AUTS2: variants seen among roughly 807,000 people sequenced by gnomAD.
AUTS2 encodes autism susceptibility gene 2 protein.
In AUTS2, 17 loss-of-function variants were observed where a neutral mutation model predicts 112.4. The ratio of observed to expected loss-of-function variants is 0.15; its 90% confidence interval spans 0.10 to 0.23. AUTS2 has a LOEUF of 0.23. Among genes scored for constraint, AUTS2 ranks in the 10% least tolerant of loss-of-function variants. The probability of loss-of-function intolerance (pLI) is 1.00; values close to 1 mark genes in which losing one functional copy is unlikely to be tolerated. For synonymous variants in AUTS2, 751 were observed against 702.7 expected, an observed-to-expected ratio of 1.07 and a Z score of -1.09; for missense variants, 1,510 against 1,701.6, an observed-to-expected ratio of 0.89 and a Z score of 1.98.
At chr7:69,738,025 AT>A (rs534475180) in intron 1 of AUTS2, among the ~76,000 whole-genome samples, 26 of 147,022 alleles carry the variant, frequency 1.8e-4, no homozygotes, top group East Asian at 7.9e-4. Context: ...GCTAATTATT[AT>A]TTTTTTTTTT....
intron 5 of AUTS2, among the ~76,000 whole-genome samples, chr7:70,638,116 C>G (rs12534768): frequency 0.25 from 37,782 of 152,048 alleles, 5,603 homozygotes; most frequent in Middle Eastern, 0.33. Flanking sequence ...GGGAGAACTT[C>G]TAGAGAGCCA....
chr7:70,642,217 T>C (rs1417125370), intron 5 of AUTS2, among the ~76,000 whole-genome samples: 1 of 152,258 alleles, frequency 6.6e-6, no homozygotes, highest in African/African-American at 2.4e-5. Flanking sequence ...AATTTAACTA[T>C]GGGTCATTGG....
chr7:70,751,754 T>C (rs923408319), intron 6 of AUTS2, among the ~76,000 whole-genome samples: 1 of 152,170 alleles, frequency 6.6e-6, no homozygotes, highest in African/African-American at 2.4e-5. Flanking sequence ...AGAATCTCAC[T>C]CTGTTGCCAA....
chr7:70,272,281 A>T (rs1489316573), intron 4 of AUTS2, among the ~76,000 whole-genome samples: 2 of 152,100 alleles, frequency 1.3e-5, no homozygotes, highest in African/African-American at 4.8e-5. Context: ...AAATATACTG[A>T]CTGTAAACCA....
At chr7:70,314,323 TC>T (rs1789897089) in intron 4 of AUTS2, among the ~76,000 whole-genome samples, 1 of 152,226 alleles carries the variant, frequency 6.6e-6, no homozygotes, top group Admixed American at 6.5e-5. Flanking sequence ...TATAATCTCT[TC>T]TCTGGAGAGG....
intron 1 of AUTS2, among the ~76,000 whole-genome samples, chr7:69,882,002 T>G (rs1262922707): frequency 2.0e-5 from 3 of 151,036 alleles, no homozygotes; most frequent in African/African-American, 7.3e-5. Context: ...AATACAAAAT[T>G]AGCTGGGAGT....
In AUTS2 at chr7:69,598,673, TGGA is replaced by T. The variant is rs1200129134; in HGVS notation, c.-979_-977del. On this transcript the variant is annotated 5_prime_UTR_variant, in exon 1 of 19. Coordinates refer to ENST00000342771, the MANE Select transcript of AUTS2 (RefSeq NM_015570.4). ...GGCGGCACACCGGTGTCTCTCCCGC[TGGA>T]GATTTCTTTCTGCTTTCCTCATCGA... 1.3e-5 allele frequency: 2 copies of T among 159,478 alleles called. No individual in the cohort carries two copies. Among genetic ancestry groups the T allele is most frequent in the Non-Finnish European group, 2.7e-5 (2 of 73,290 alleles). The allele number at this position is 159,478 out of a possible 1,614,324, so 9.9% of individuals were successfully genotyped here. A position where few individuals can be genotyped will look rare whatever the true frequency, so the allele number is the denominator to read the frequency against.
intron 6 of AUTS2, among the ~76,000 whole-genome samples, chr7:70,710,357 A>G (rs1042568135): frequency 6.6e-6 from 1 of 152,306 alleles, no homozygotes; most frequent in East Asian, 1.9e-4. Context: ...TGAGGCTTGC[A>G]TGGGCCATTG....
At chr7:70,027,884 GTT>G (rs57936972) in intron 2 of AUTS2, among the ~76,000 whole-genome samples, 8 of 151,700 alleles carry the variant, frequency 5.3e-5, no homozygotes, top group Admixed American at 1.3e-4. Context: ...TGCTTTAAGT[GTT>G]TTTTTTTGTT....
chr7:69,851,027 G>C (rs1792457181), intron 1 of AUTS2, among the ~76,000 whole-genome samples: 1 of 152,226 alleles, frequency 6.6e-6, no homozygotes, highest in African/African-American at 2.4e-5. Flanking sequence ...TTTTGTGTAA[G>C]TATGAGGTTT....
intron 4 of AUTS2, among the ~76,000 whole-genome samples, chr7:70,145,868 A>G (rs1356127227): frequency 6.6e-6 from 1 of 152,122 alleles, no homozygotes; most frequent in African/African-American, 2.4e-5. Context: ...CAGCACATCT[A>G]TGGGTACGTT....
At chr7:70,343,671 A>G (rs902181958) in intron 4 of AUTS2, among the ~76,000 whole-genome samples, 1 of 152,220 alleles carries the variant, frequency 6.6e-6, no homozygotes, top group Non-Finnish European at 1.5e-5. Context: ...ATAAGGGAAT[A>G]CAAGGGAGAG....
chr7:70,313,635 A>G lies in AUTS2; in HGVS notation c.661-122117A>G, dbSNP rs992827637. Among the ~76,000 whole-genome samples the G allele has an allele frequency of 6.2e-4, 95 of 152,246 alleles. 1 individual carries two copies. Among genetic ancestry groups the G allele is most frequent in the African/African-American group, 2.0e-3 (84 of 41,472 alleles). On this transcript the variant is annotated intron_variant, in intron 4 of 18. Transcript: ENST00000342771. Reference sequence around the variant, plus strand: ...CAAATGGATGAACTCACAGTAGTTCAGCTGTGGTAGATGCTCTCGTTGCTG... The same window carrying G: ...CAAATGGATGAACTCACAGTAGTTCGGCTGTGGTAGATGCTCTCGTTGCTG...
At chr7:70,712,056 A>C (rs1810083296) in intron 6 of AUTS2, among the ~76,000 whole-genome samples, 1 of 150,066 alleles carries the variant, frequency 6.7e-6, no homozygotes, top group African/African-American at 2.5e-5. Context: ...ACAGGGTCTC[A>C]CTCTGTCGCC....
intron 2 of AUTS2, among the ~76,000 whole-genome samples, chr7:70,093,510 G>C (rs189957476): frequency 7.2e-4 from 109 of 152,304 alleles, no homozygotes; most frequent in African/African-American, 2.5e-3. Context: ...TGAGAGAAAA[G>C]CCATCTCTAG....
chr7:70,065,391 T>G (rs1226120979), intron 2 of AUTS2, among the ~76,000 whole-genome samples: 2 of 152,134 alleles, frequency 1.3e-5, no homozygotes, highest in Non-Finnish European at 2.9e-5. Context: ...TTTTTAAAAT[T>G]GTTTAAAAAA....
chr7:70,502,770 T>A (rs1798816844), intron 5 of AUTS2, among the ~76,000 whole-genome samples: 1 of 152,190 alleles, frequency 6.6e-6, no homozygotes, highest in Non-Finnish European at 1.5e-5. Flanking sequence ...TTCAGAAAAG[T>A]ACTTAACAGC....
chr7:69,885,948 G>A (rs1200394306), intron 1 of AUTS2, among the ~76,000 whole-genome samples: 1 of 152,138 alleles, frequency 6.6e-6, no homozygotes, highest in Non-Finnish European at 1.5e-5. Flanking sequence ...TGAAGAGTAC[G>A]TATACATAAG....
At chr7:69,839,167 T>C (rs1424126749) in intron 1 of AUTS2, among the ~76,000 whole-genome samples, 1 of 152,154 alleles carries the variant, frequency 6.6e-6, no homozygotes, top group Non-Finnish European at 1.5e-5. Flanking sequence ...GGGCTGGAGT[T>C]AACATTAACA....
Sources: gnomAD v4.1 joint callset for allele counts (sites outside exome capture counted in the v4.1 genomes callset) on GRCh38, gnomAD v4.1.1 for gene constraint, MANE v1.5 for transcripts, NCBI Gene and HGNC (gene_info 2026-07-23, HGNC 2026-07-21) for gene names.